The following PSD3 variants were observed in gnomAD, a reference collection of about 807,000 sequenced individuals.
PSD3 encodes the protein PH and SEC7 domain-containing protein 3.
In PSD3, 49 loss-of-function variants were observed where a neutral mutation model predicts 105.5. That is an observed-to-expected ratio of 0.46 (90% confidence interval 0.37 to 0.59). PSD3 has a LOEUF of 0.59. Ranked by LOEUF, PSD3 falls within the 20% of genes least tolerant of loss-of-function variation. The pLI is 0.00. For missense variants in PSD3, 1,561 were observed against 1,263.8 expected, an observed-to-expected ratio of 1.24 and a Z score of -3.57; for synonymous variants, 557 against 457.8, an observed-to-expected ratio of 1.22 and a Z score of -2.77.
At chr8:18,735,176 G>A (rs1158372304) in intron 9 of PSD3, among the ~76,000 whole-genome samples, 3 of 152,164 alleles carry the variant, frequency 2.0e-5, no homozygotes, top group Admixed American at 2.0e-4. Context: ...CTGATCATCA[G>A]TGGGGCTGTA....
intron 11 of PSD3, among the ~76,000 whole-genome samples, chr8:18,609,356 G>T (rs545825035): frequency 6.6e-6 from 1 of 152,176 alleles, no homozygotes; most frequent in Non-Finnish European, 1.5e-5. Context: ...AATTTCCTGA[G>T]GTTAACGGAG....
At position 18,532,932 on chromosome 8, in the gene PSD3, T is replaced by C. The variant is rs1799691444; in HGVS notation, c.*2811A>G. On this transcript the variant is annotated 3_prime_UTR_variant, in exon 16 of 16. Coordinates refer to ENST00000327040, the MANE Select transcript of PSD3 (RefSeq NM_015310.4). ...AGTGTATTGACGTGAAGAAGAATGATTTATCATATGGAAGGAAGTCCCAAG... is the reference window on the plus strand; with the variant it reads ...AGTGTATTGACGTGAAGAAGAATGACTTATCATATGGAAGGAAGTCCCAAG... The C allele has an allele frequency of 6.6e-6, 1 of 152,126 alleles. No homozygotes were observed. The highest frequency in any genetic ancestry group is 2.4e-5 in the African/African-American group (1 of 41,396). 9.4% of individuals were successfully genotyped at this position (152,126 alleles called of 1,614,324 possible). A position where few individuals can be genotyped will look rare whatever the true frequency, so the allele number is the denominator to read the frequency against.
At chr8:18,772,377 T>A (rs533619867) in intron 8 of PSD3, among the ~76,000 whole-genome samples, 1 of 149,840 alleles carries the variant, frequency 6.7e-6, no homozygotes, top group East Asian at 2.0e-4. Context: ...GTCTACATCC[T>A]TGCCAAAAAT....
chr8:18,825,849 T>G (rs1434909901), intron 4 of PSD3, among the ~76,000 whole-genome samples: 3 of 152,180 alleles, frequency 2.0e-5, no homozygotes, highest in Non-Finnish European at 4.4e-5. Context: ...AGAATCAAGT[T>G]CTTCCGTATT....
chr8:18,563,585 C>A (rs1049887334), intron 14 of PSD3, among the ~76,000 whole-genome samples: 7 of 152,182 alleles, frequency 4.6e-5, no homozygotes, highest in Non-Finnish European at 8.8e-5. Context: ...TTCATAATTT[C>A]ATGTTTAAGA....
chr8:18,968,879 C>CAAAAAAAAAAAAAAAAAAAAAAA, intron 1 of PSD3, among the ~76,000 whole-genome samples: 1 of 71,724 alleles, frequency 1.4e-5, no homozygotes, highest in Non-Finnish European at 2.5e-5. Flanking sequence ...AAAATGTCTC[C>CAAAAAAAAAAAAAAAAAAAAAAA]AAAAAAAAAA....
At chr8:18,980,520 T>C (rs1239637889) in intron 1 of PSD3, among the ~76,000 whole-genome samples, 3 of 152,196 alleles carry the variant, frequency 2.0e-5, no homozygotes, top group Non-Finnish European at 2.9e-5. Flanking sequence ...TTGGTACATT[T>C]AGAACATACA....
At chr8:18,540,790 C>A (rs112898698) in intron 15 of PSD3, among the ~76,000 whole-genome samples, 39 of 152,164 alleles carry the variant, frequency 2.6e-4, no homozygotes, top group African/African-American at 9.4e-4. Flanking sequence ...GGTTTCTCAT[C>A]CTTAATTCTC....
intron 1 of PSD3, among the ~76,000 whole-genome samples, chr8:19,034,743 T>A (rs1020532866): frequency 1.3e-5 from 2 of 152,126 alleles, no homozygotes; most frequent in Non-Finnish European, 2.9e-5. Context: ...GGCCTTCACA[T>A]CACGCTGAAT....
chr8:18,761,593 C>G (rs955788284), intron 9 of PSD3, among the ~76,000 whole-genome samples: 1 of 152,148 alleles, frequency 6.6e-6, no homozygotes, highest in Admixed American at 6.5e-5. Context: ...TAATCTCAAT[C>G]CTCATACCGT....
chr8:18,563,926 A>G (rs1801565595), intron 14 of PSD3, among the ~76,000 whole-genome samples: 1 of 152,188 alleles, frequency 6.6e-6, no homozygotes, highest in Admixed American at 6.5e-5. Flanking sequence ...AGATTATTCC[A>G]AAGTGGGGTG....
chr8:18,940,979 C>T (rs902132305), intron 1 of PSD3, among the ~76,000 whole-genome samples: 3 of 152,188 alleles, frequency 2.0e-5, no homozygotes, highest in Non-Finnish European at 4.4e-5. Context: ...ATTCTTGAAG[C>T]TGTGAGCCCC....
chr8:19,042,786 G>T (rs1291378167), intron 1 of PSD3, among the ~76,000 whole-genome samples: 3 of 152,150 alleles, frequency 2.0e-5, no homozygotes, highest in Non-Finnish European at 4.4e-5. Flanking sequence ...GCTGCCAAAA[G>T]TTCAATTCTC....
intron 1 of PSD3, among the ~76,000 whole-genome samples, chr8:19,041,196 C>A (rs569038905): frequency 3.9e-5 from 6 of 152,282 alleles, no homozygotes; most frequent in African/African-American, 1.2e-4. Flanking sequence ...CACACCCAAC[C>A]TTGATCCCAT....
At chr8:18,616,536 C>T (rs1805679827) in intron 11 of PSD3, among the ~76,000 whole-genome samples, 1 of 152,114 alleles carries the variant, frequency 6.6e-6, no homozygotes, top group Non-Finnish European at 1.5e-5. Flanking sequence ...TCGCTCTCAT[C>T]ATGCCTAGGT....
intron 1 of PSD3, among the ~76,000 whole-genome samples, chr8:19,080,958 G>T (rs963491068): frequency 6.6e-6 from 1 of 152,160 alleles, no homozygotes; most frequent in African/African-American, 2.4e-5. Context: ...CCGAAACGAT[G>T]ATAGAGAAAG....
At chr8:18,583,474 T>A (rs577262958) in intron 12 of PSD3, among the ~76,000 whole-genome samples, 22 of 152,216 alleles carry the variant, frequency 1.4e-4, no homozygotes, top group African/African-American at 5.3e-4. Flanking sequence ...ATTTAAAACA[T>A]GTGATAGCTC....
chr8:18,803,477 T>C (rs1483209208), intron 6 of PSD3, among the ~76,000 whole-genome samples: 1 of 149,924 alleles, frequency 6.7e-6, no homozygotes, highest in African/African-American at 2.5e-5. Flanking sequence ...AACAGGGTCT[T>C]GAAGAAATAT....
At chr8:18,956,627 T>A (rs1224956761) in intron 1 of PSD3, among the ~76,000 whole-genome samples, 1 of 152,204 alleles carries the variant, frequency 6.6e-6, no homozygotes, top group Non-Finnish European at 1.5e-5. Flanking sequence ...AACCGAGTCT[T>A]GCTTAGAGGA....
Sources: allele counts gnomAD v4.1 joint callset (sites outside exome capture counted in the v4.1 genomes callset), GRCh38; gene constraint gnomAD v4.1.1; transcripts MANE v1.5; gene names NCBI Gene and HGNC (gene_info 2026-07-23, HGNC 2026-07-21).